The following PCDHA6 variants were observed in gnomAD, a reference collection of about 807,000 sequenced individuals.
The protein encoded by PCDHA6 is protocadherin alpha 6.
Under a neutral mutation model 60.3 loss-of-function variants are expected in PCDHA6, and 55 were observed. That is an observed-to-expected ratio of 0.91 (90% CI 0.73 to 1.14). PCDHA6 has a LOEUF of 1.14. Ranked by LOEUF, PCDHA6 falls within the 50% of genes most tolerant of loss-of-function variation. PCDHA6 has a pLI of 0.00. For synonymous variants in PCDHA6, 652 were observed against 557.9 expected, an observed-to-expected ratio of 1.17 and a Z score of -2.38; for missense variants, 1,327 against 1,256.5, an observed-to-expected ratio of 1.06 and a Z score of -0.85.
At chr5:140,991,298 ATTATC>A (rs1361844877) in intron 3 of PCDHA6, among the ~76,000 whole-genome samples, 1 of 152,170 alleles carries the variant, frequency 6.6e-6, no homozygotes, top group African/African-American at 2.4e-5. Flanking sequence ...ACACATTACT[ATTATC>A]TTGTCCCGCA....
At chr5:140,970,384 C>T (rs2096401322) in intron 1 of PCDHA6, among the ~76,000 whole-genome samples, 1 of 152,104 alleles carries the variant, frequency 6.6e-6, no homozygotes, top group Admixed American at 6.5e-5. Flanking sequence ...AAAAGGCTGG[C>T]TTGGAAAGTG....
chr5:140,962,047 C>T (rs1288087343), intron 1 of PCDHA6, among the ~76,000 whole-genome samples: 2 of 151,982 alleles, frequency 1.3e-5, no homozygotes, highest in South Asian at 2.1e-4. Context: ...CCATGCCTGG[C>T]TAATTTTTTT....
chr5:140,952,566 G>A (rs1198943972), intron 1 of PCDHA6, among the ~76,000 whole-genome samples: 1 of 151,938 alleles, frequency 6.6e-6, no homozygotes, highest in African/African-American at 2.4e-5. Flanking sequence ...TCAGCACTTC[G>A]GTCCCAATCA....
Position 140,855,272 on chromosome 5 carries a change from A to G in PCDHA6, c.2394+24787A>G, listed in dbSNP as rs527268244. Among the ~76,000 whole-genome samples the G allele has an allele frequency of 6.0e-5, 9 of 149,830 alleles. 1 individual carries two copies. In the South Asian group the frequency reaches 1.7e-3, roughly 28 times the overall value. ...CACTTACTATATTATAATTCACTCA[A>G]CCACCGTATTACTATTAGGCCAAAG... On this transcript the variant is annotated intron_variant, in intron 1 of 3. Transcript: ENST00000529310.
At chr5:140,895,207 T>C (rs1392562241) in intron 1 of PCDHA6, among the ~76,000 whole-genome samples, 2 of 152,208 alleles carry the variant, frequency 1.3e-5, no homozygotes, top group Non-Finnish European at 2.9e-5. Context: ...TTTGCTTTTA[T>C]TTCTAATATT....
At chr5:140,896,551 A>G (rs1474890462) in intron 1 of PCDHA6, among the ~76,000 whole-genome samples, 1 of 139,892 alleles carries the variant, frequency 7.1e-6, no homozygotes, top group African/African-American at 2.6e-5. Context: ...TTTTTTTTGT[A>G]TTTTAAGTAG....
intron 1 of PCDHA6, chr5:140,866,572 GTGGT>G (rs1562601054): frequency 6.6e-6 from 1 of 152,168 alleles, no homozygotes; most frequent in African/African-American, 2.4e-5. Context: ...TGTTAATACA[GTGGT>G]TGGATAATGT....
chr5:140,966,449 C>CT (rs1737219736), intron 1 of PCDHA6: 1 of 425,908 alleles, frequency 2.3e-6, no homozygotes, highest in South Asian at 9.0e-5. Context: ...CCCTTTCCCC[C>CT]TCCCCCTCTG....
At position 140,835,282 on chromosome 5, in the gene PCDHA6, G is replaced by A. The variant is rs2150233282; in HGVS notation, c.2394+4797G>A. On this transcript the variant is annotated intron_variant, in intron 1 of 3. Transcript: ENST00000529310. Reference sequence around the variant, plus strand: ...AAGTTCCACATGGACCCCTTAAGTGGGGCAATCACAGTGATAGGACATATG... The same window carrying A: ...AAGTTCCACATGGACCCCTTAAGTGAGGCAATCACAGTGATAGGACATATG... 4 of 1,611,622 alleles carry A rather than the reference G, an allele frequency of 2.5e-6. No individual in the cohort carries two copies. In the South Asian group the frequency reaches 3.3e-5, roughly 13 times the overall value.
rs2150250945 is a variant in PCDHA6 at position 140,836,022 on chromosome 5, A to G, written c.2394+5537A>G. 3.1e-6 allele frequency: 5 copies of G among 1,613,430 alleles called. No homozygotes were observed. In the South Asian group the frequency reaches 5.5e-5, roughly 18 times the overall value. On this transcript the variant is annotated intron_variant, in intron 1 of 3. Transcript: ENST00000529310. Reference sequence around the variant, plus strand: ...CGATGCGGGCGTGCCGCCTCTGGGCAGCAACGTGACGCTGCAGGTGTTCGT... The same window carrying G: ...CGATGCGGGCGTGCCGCCTCTGGGCGGCAACGTGACGCTGCAGGTGTTCGT...
At chr5:140,853,090 A>T in intron 1 of PCDHA6, 2 of 331,170 alleles carry the variant, frequency 6.0e-6, no homozygotes, top group Non-Finnish European at 8.8e-6. Flanking sequence ...CGTGTTAGTC[A>T]GGATGGTCTC....
At chr5:140,856,650 G>T in intron 1 of PCDHA6, 1 of 1,598,142 alleles carries the variant, frequency 6.3e-7, no homozygotes, top group Admixed American at 1.7e-5. Context: ...CTGCTGGATC[G>T]TGAAGAAAAT....
chr5:140,870,084 C>T (rs782413178), intron 1 of PCDHA6: 1 of 1,613,864 alleles, frequency 6.2e-7, no homozygotes, highest in Non-Finnish European at 8.5e-7. Context: ...AGGGGACTCC[C>T]CCAATGGCAG....
chr5:140,871,433 T>C (rs2053076165), intron 1 of PCDHA6: 3 of 1,612,290 alleles, frequency 1.9e-6, no homozygotes, highest in Non-Finnish European at 2.5e-6. Flanking sequence ...AGTCTTCCTC[T>C]AGGTCTGAAT....
At chr5:140,911,057 TG>T (rs1554194586) in intron 1 of PCDHA6, among the ~76,000 whole-genome samples, 1 of 151,474 alleles carries the variant, frequency 6.6e-6, no homozygotes, top group Non-Finnish European at 1.5e-5. Context: ...TGGTGGGGGG[TG>T]GGTCCTGAGG....
At position 140,856,108 on chromosome 5, in the gene PCDHA6, C is replaced by T. The variant is rs782347472; in HGVS notation, c.2394+25623C>T. 109 of 1,597,910 alleles carry T rather than the reference C, an allele frequency of 6.8e-5. 10 individuals are homozygous for T. The highest frequency in any genetic ancestry group is 9.3e-5 in the Non-Finnish European group (109 of 1,167,634). ...GTCTGCTGCTCTCGCTTCTTCTCCT[C>T]GCAGCCTGGGAGGTGGGGAGCGGCC... On this transcript the variant is annotated intron_variant, in intron 1 of 3. Transcript: ENST00000529310.
At chr5:140,853,611 G>A in intron 1 of PCDHA6, 1 of 988,014 alleles carries the variant, frequency 1.0e-6, no homozygotes. Flanking sequence ...AGGGGGTGCT[G>A]TAAATAAGTA....
chr5:140,867,956 C>T (rs1581824842), intron 1 of PCDHA6: 1 of 151,940 alleles, frequency 6.6e-6, no homozygotes, highest in East Asian at 1.9e-4. Context: ...GCTCCCAAAC[C>T]CAAAATTCTT....
At chr5:140,942,679 G>T (rs549826522) in intron 1 of PCDHA6, among the ~76,000 whole-genome samples, 8 of 151,904 alleles carry the variant, frequency 5.3e-5, no homozygotes, top group Non-Finnish European at 8.8e-5. Flanking sequence ...AAAGTTTTAG[G>T]AATAACTTTA....
Sources: allele counts gnomAD v4.1 joint callset (sites outside exome capture counted in the v4.1 genomes callset), GRCh38; gene constraint gnomAD v4.1.1; transcripts MANE v1.5; gene names NCBI Gene and HGNC (gene_info 2026-07-23, HGNC 2026-07-21).